The following MFN2 variants were observed in gnomAD, a reference collection of about 807,000 sequenced individuals.
The protein encoded by MFN2 is mitofusin-2.
MFN2 carries 43 observed loss-of-function variants against 87.5 expected under a neutral mutation model. The observed-to-expected ratio is 0.49, with a 90% CI of 0.38 to 0.63. The LOEUF (loss-of-function observed/expected upper bound fraction) is 0.63. MFN2 is among the 30% of genes least tolerant of loss of function. The probability of loss-of-function intolerance (pLI) is 0.00; values close to 1 mark genes in which losing one functional copy is unlikely to be tolerated. For missense variants in MFN2, 743 were observed against 972.8 expected, an observed-to-expected ratio of 0.76 and a Z score of 3.14; for synonymous variants, 337 against 359.9, an observed-to-expected ratio of 0.94 and a Z score of 0.72.
intron 3 of MFN2, among the ~76,000 whole-genome samples, chr1:11,991,923 C>CA (rs35314016): frequency 0.043 from 714 of 16,708 alleles, 189 homozygotes; most frequent in African/African-American, 0.1. Flanking sequence ...GACTCCGTCT[C>CA]AAAAAAAAAA....
At position 12,011,526 on chromosome 1, in the gene MFN2, C is replaced by T. The variant is rs1639697912; in HGVS notation, c.2235C>T (p.Leu745=). The T allele has an allele frequency of 1.9e-6, 3 of 1,614,172 alleles. No individual in the cohort carries two copies. Among genetic ancestry groups the T allele is most frequent in the Non-Finnish European group, 2.5e-6 (3 of 1,180,044 alleles). ...AAGCCGGTTGGTTGGACAGTGAGCTCAACATGTTCACACACCAGTACCTGC... is the reference window on the plus strand; with the variant it reads ...AAGCCGGTTGGTTGGACAGTGAGCTTAACATGTTCACACACCAGTACCTGC... ...RNKAGWLDSE[L]NMFTHQYLQP... is the part of the protein sequence containing the mutation. Residue 745 remains leucine, a synonymous_variant, in exon 19 of 19, where the codon CTC becomes CTT. Coordinates refer to ENST00000235329, the MANE Select transcript of MFN2 (RefSeq NM_014874.4).
At chr1:11,987,532 A>C (rs1638469967) in intron 2 of MFN2, among the ~76,000 whole-genome samples, 1 of 150,786 alleles carries the variant, frequency 6.6e-6, no homozygotes, top group Non-Finnish European at 1.5e-5. Context: ...TGGGAGGCTG[A>C]GGCAGGAGAA....
rs972878485 is a variant in MFN2 at position 12,004,689 on chromosome 1, G to GC, written c.1392+82dup. 21 of 1,528,252 alleles carry GC rather than the reference G, an allele frequency of 1.4e-5. No individual in the cohort carries two copies. The highest frequency in any genetic ancestry group is 1.9e-5 in the Non-Finnish European group (21 of 1,103,064). 94.7% of individuals were successfully genotyped at this position (1,528,252 alleles called of 1,614,324 possible). On this transcript the variant is annotated intron_variant, in intron 13 of 18. Transcript: ENST00000235329. This position sits in a 1 kb window ranked among gnomAD's most constrained non-coding sequence, Gnocchi z 4.2. ...TCAACCCCTGTTGGTCTGGGTCAGG[G>GC]CCCCCCAGCAGTGACAGTAGAAGCC... is the stretch of plus-strand genomic sequence containing the variant.
In MFN2 at chr1:12,002,033, C is replaced by G. The variant is rs119103265; in HGVS notation, c.1090C>G (p.Arg364Gly). The G allele has an allele frequency of 6.2e-7, 1 of 1,614,058 alleles. No homozygotes were observed. The highest frequency in any genetic ancestry group is 1.7e-5 in the Admixed American group (1 of 60,008). The stretch of plus-strand genomic sequence containing the variant: ...GACCAAGTTTGAGCAGCACACGGTC[C>G]GGGCCAAGCAGATTGCAGAGGCGGT... ...VKTKFEQHTVRAKQIAEAVRL... is the reference protein window; with the variant it reads ...VKTKFEQHTVGAKQIAEAVRL... Residue 364 changes from arginine (R) to glycine (G), a missense_variant, in exon 11 of 19, where the codon CGG becomes GGG. Arg to Gly is a moderately radical substitution (Grantham distance 125). This residue lies in a region of MFN2 where 571 missense variants were observed against 670.7 expected (regional missense o/e 0.85). Transcript: ENST00000235329.
rs1639191495 is a variant in MFN2, at chr1:12,001,906, G to A, written c.1038+70G>A. 6.8e-6 allele frequency: 11 copies of A among 1,613,998 alleles called. No individual in the cohort carries two copies. In the Admixed American group the frequency reaches 1.3e-4, roughly 20 times the overall value. The stretch of plus-strand genomic sequence containing the variant: ...GCTCCCATTGGCTGTGTCCCTGGCA[G>A]TGAAAACCAGAGTCTGGCCCTTGGT... On this transcript the variant is annotated intron_variant, in intron 10 of 18. Transcript: ENST00000235329.
intron 7 of MFN2, 39 bp downstream of exon 7, chr1:11,998,917 C>A: frequency 6.2e-7 from 1 of 1,610,980 alleles, no homozygotes; most frequent in South Asian, 1.1e-5. Flanking sequence ...TCCCAGCACC[C>A]CCTGGGCAGG....
intron 4 of MFN2, among the ~76,000 whole-genome samples, chr1:11,994,881 CTG>C (rs913675062): frequency 2.6e-5 from 4 of 152,294 alleles, no homozygotes; most frequent in Admixed American, 2.0e-4. Context: ...ATGAGAAACA[CTG>C]TGTTTAGCAC....
chr1:11,996,636 TC>T (rs1382285751), intron 5 of MFN2, among the ~76,000 whole-genome samples: 2 of 152,136 alleles, frequency 1.3e-5, no homozygotes, highest in Non-Finnish European at 2.9e-5. Flanking sequence ...AGAGAGGAAT[TC>T]CTGCATTTGC....
intron 6 of MFN2, 135 bp from the exon 7 acceptor site, chr1:11,998,635 C>T (rs568265078): frequency 2.5e-6 from 2 of 805,404 alleles, no homozygotes; most frequent in Admixed American, 3.4e-5. Context: ...TAATGAGGGC[C>T]AGGCCTGATT....
At chr1:12,010,589 G>C (rs1639650319) in intron 18 of MFN2, among the ~76,000 whole-genome samples, 1 of 152,038 alleles carries the variant, frequency 6.6e-6, no homozygotes, top group South Asian at 2.1e-4. Flanking sequence ...TTGGAACTCA[G>C]ATCTCCATGG....
At position 12,013,227 on chromosome 1, in the gene MFN2, T is replaced by C. The variant is rs1020801224; in HGVS notation, c.*1662T>C. ...AAAATTCTTTAGCGTAAACATGAAT[T>C]TTTTTTCAATGTAGCCCCTGGGGAA... On this transcript the variant is annotated 3_prime_UTR_variant, in exon 19 of 19. Transcript: ENST00000235329. The C allele has an allele frequency of 3.1e-5, 11 of 354,304 alleles. No homozygotes were observed. The East Asian group carries it at 8.7e-4, about 28-fold the overall frequency. 21.9% of individuals were successfully genotyped at this position (354,304 alleles called of 1,614,324 possible).
intron 17 of MFN2, among the ~76,000 whole-genome samples, chr1:12,008,438 C>CT (rs1639528075): frequency 7.0e-6 from 1 of 141,994 alleles, no homozygotes; most frequent in Non-Finnish European, 1.5e-5. Context: ...CCCCACCTCC[C>CT]TCCCGGACGG....
chr1:12,000,261 C>T (rs1377882266), intron 8 of MFN2, among the ~76,000 whole-genome samples: 5 of 151,804 alleles, frequency 3.3e-5, no homozygotes, highest in Admixed American at 6.6e-5. Context: ...GGCACAATCT[C>T]GGCTCACTGC....
chr1:12,002,261 A>G (rs1639211501), intron 11 of MFN2, among the ~76,000 whole-genome samples, 158 bp downstream of exon 11: 1 of 152,224 alleles, frequency 6.6e-6, no homozygotes, highest in Non-Finnish European at 1.5e-5. Flanking sequence ...TTAGAACCAC[A>G]TAGACAGCCT....
chr1:12,002,000 G>T lies in MFN2; in HGVS notation c.1057G>T (p.Ala353Ser). 1 of 1,614,190 alleles carries T rather than the reference G, an allele frequency of 6.2e-7. No individual in the cohort carries two copies. Among genetic ancestry groups the T allele is most frequent in the Non-Finnish European group, 8.5e-7 (1 of 1,180,034 alleles). ...GTTCCAGGAGTGCATCTCCCAGTCT[G>T]CAGTGAAGACCAAGTTTGAGCAGCA... is the stretch of plus-strand genomic sequence containing the variant. The part of the protein sequence containing the change: ...RRFEECISQS[A>S]VKTKFEQHTV... Residue 353 changes from alanine (A) to serine (S), a missense_variant, in exon 11 of 19, where the codon GCA (alanine) becomes TCA (serine). Transcript: ENST00000235329.
chr1:11,989,474 T>C (rs889923960), intron 3 of MFN2, 131 bp downstream of exon 3: 12 of 1,055,124 alleles, frequency 1.1e-5, no homozygotes, highest in Admixed American at 2.6e-5. Context: ...AATGCTCTGC[T>C]CTTGAAATCA....
intron 14 of MFN2, among the ~76,000 whole-genome samples, chr1:12,005,434 A>G (rs1390665642): frequency 6.6e-6 from 1 of 152,228 alleles, no homozygotes; most frequent in Non-Finnish European, 1.5e-5. Flanking sequence ...GTTCTACTAC[A>G]TGGGTCTACC....
chr1:12,006,044 T>C (rs1639400831), intron 15 of MFN2, 113 bp downstream of exon 15: 2 of 958,212 alleles, frequency 2.1e-6, no homozygotes, highest in South Asian at 2.7e-5. Context: ...GCTGTGGTGG[T>C]GTGCCCCACC....
At chr1:11,980,889 C>G (rs1038054483) in intron 1 of MFN2, among the ~76,000 whole-genome samples, 1 of 152,342 alleles carries the variant, frequency 6.6e-6, no homozygotes, top group African/African-American at 2.4e-5. Context: ...GCCCTGTTTA[C>G]TTATATGACT....
Sources: gnomAD v4.1 joint callset for allele counts (sites outside exome capture counted in the v4.1 genomes callset) on GRCh38, gnomAD v4.1.1 for gene constraint, gnomAD v4.1.1 regional missense constraint, Gnocchi (gnomAD v3.1) non-coding constraint, MANE v1.5 for transcripts, NCBI Gene and HGNC (gene_info 2026-07-23, HGNC 2026-07-21) for gene names.